NXN: variants seen among roughly 807,000 people sequenced by gnomAD.
NXN encodes the protein nucleoredoxin 1.
NXN carries 16 observed loss-of-function variants against 48.6 expected under a neutral mutation model. That is an observed-to-expected ratio of 0.33 (90% CI 0.22 to 0.50). The LOEUF (loss-of-function observed/expected upper bound fraction) is 0.50. Among genes scored for constraint, NXN ranks in the 20% least tolerant of loss-of-function variants. NXN has a pLI of 0.98. For synonymous variants in NXN, 281 were observed against 269.6 expected (o/e 1.04, Z -0.41); for missense variants, 492 against 605.5 (o/e 0.81, Z 1.97).
chr17:858,050 A>G (rs866765750), intron 1 of NXN, among the ~76,000 whole-genome samples: 1 of 149,220 alleles, frequency 6.7e-6, no homozygotes, highest in South Asian at 2.1e-4. Context: ...GGCTCACTGC[A>G]GCCTCGACCT....
intron 1 of NXN, among the ~76,000 whole-genome samples, chr17:859,163 G>A (rs968944433): frequency 2.0e-5 from 3 of 152,220 alleles, no homozygotes; most frequent in East Asian, 1.9e-4. Flanking sequence ...GCAGTTTCCC[G>A]TCCAGCTCTA....
In NXN at chr17:979,478, C is replaced by A; in HGVS notation, c.201G>T (p.Gly67=). The change falls in exon 1 of 8, where the codon GGG becomes GGT. Residue 67 remains glycine, a synonymous_variant. Transcript: ENST00000336868. Reference sequence around the variant, plus strand: ...CCCCGGCCCCCGCTCCCGGCCCCGGCCCGGCCGCCGCGTCCCCCCGCAGGC... The same window carrying A: ...CCCCGGCCCCCGCTCCCGGCCCCGGACCGGCCGCCGCGTCCCCCCGCAGGC... ...YGRLRGDAAA[G]PGPGAGAGAA... 2 of 1,193,674 alleles carry A rather than the reference C, an allele frequency of 1.7e-6. No homozygotes were observed. Among genetic ancestry groups the A allele is most frequent in the Non-Finnish European group, 2.1e-6 (2 of 962,436 alleles). 73.9% of individuals were successfully genotyped at this position (1,193,674 alleles called of 1,614,324 possible).
chr17:922,083 G>A (rs889589279), intron 1 of NXN, among the ~76,000 whole-genome samples: 1 of 152,296 alleles, frequency 6.6e-6, no homozygotes, highest in East Asian at 1.9e-4. Flanking sequence ...CCTTTTCAGC[G>A]GGTAACTGTG....
At chr17:866,513 A>C (rs1282764692) in intron 1 of NXN, among the ~76,000 whole-genome samples, 1 of 152,166 alleles carries the variant, frequency 6.6e-6, no homozygotes, top group East Asian at 1.9e-4. Context: ...CGGAGCATGC[A>C]GTGAGCTGAG....
Position 919,067 on chromosome 17 carries a change from T to TAA in NXN, c.360+60250_360+60251dup, listed in dbSNP as rs552669068. On this transcript the variant is annotated intron_variant, in intron 1 of 7. Coordinates refer to ENST00000336868, the MANE Select transcript of NXN (RefSeq NM_022463.5). The surrounding 1 kb of genome is among the most constrained non-coding windows in gnomAD (Gnocchi z 5.1). ...GCAACAGAGTAAGACCCTATTGCTT[T>TAA]AAAAAAAAAAAATGTTTCAGCCAGG... 2.7e-3 allele frequency among the ~76,000 whole-genome samples: 397 copies of TAA among 145,160 alleles called. 3 individuals carry two copies. The highest frequency in any genetic ancestry group is 9.5e-3 in the African/African-American group (378 of 39,758).
At chr17:899,370 G>A (rs2068516454) in intron 1 of NXN, among the ~76,000 whole-genome samples, 2 of 152,134 alleles carry the variant, frequency 1.3e-5, no homozygotes, top group African/African-American at 4.8e-5. Flanking sequence ...TTGACGTGCT[G>A]GGTACAAAAA....
chr17:957,918 A>C (rs750001816), intron 1 of NXN, among the ~76,000 whole-genome samples: 1 of 152,098 alleles, frequency 6.6e-6, no homozygotes, highest in Non-Finnish European at 1.5e-5. Flanking sequence ...CATCGCCCAG[A>C]ATGTATGTTC....
chr17:954,175 C>T (rs957816693), intron 1 of NXN, among the ~76,000 whole-genome samples: 2 of 151,986 alleles, frequency 1.3e-5, no homozygotes, highest in Middle Eastern at 3.2e-3. Context: ...GTCAGGAGTT[C>T]GAGACCAGCC....
intron 1 of NXN, among the ~76,000 whole-genome samples, chr17:889,739 GAAAGAAAGAAAGAAAGAAAGAA>G (rs1291561874): frequency 0.024 from 2,074 of 87,894 alleles, 82 homozygotes; most frequent in African/African-American, 0.048. Context: ...AAGAAAGAAA[GAAAGAAAGAAAGAAAGAAAGAA>G]AAAGAAAGAA....
At chr17:895,665 A>T (rs1480362434) in intron 1 of NXN, among the ~76,000 whole-genome samples, 3 of 150,964 alleles carry the variant, frequency 2.0e-5, no homozygotes, top group Non-Finnish European at 4.4e-5. Flanking sequence ...ACAAAAAAAA[A>T]AAATTAGCCA....
chr17:848,099 C>T (rs1567831706), intron 1 of NXN, among the ~76,000 whole-genome samples: 1 of 151,946 alleles, frequency 6.6e-6, no homozygotes, highest in Non-Finnish European at 1.5e-5. Context: ...AGGACGTCAA[C>T]CCCTGACGAT....
At chr17:869,203 T>C (rs1467062164) in intron 1 of NXN, among the ~76,000 whole-genome samples, 4 of 152,072 alleles carry the variant, frequency 2.6e-5, no homozygotes, top group Non-Finnish European at 5.9e-5. Flanking sequence ...CACAGATCTG[T>C]TTCTCTGTAA....
intron 1 of NXN, among the ~76,000 whole-genome samples, chr17:957,555 A>C (rs566098929): frequency 7.5e-4 from 114 of 151,532 alleles, no homozygotes; most frequent in Non-Finnish European, 1.2e-3. Context: ...CTGCTTGAAC[A>C]CGGGAGGTGT....
chr17:801,594 C>T (rs1425538777), intron 7 of NXN, among the ~76,000 whole-genome samples: 2 of 151,932 alleles, frequency 1.3e-5, no homozygotes, highest in East Asian at 1.9e-4. Context: ...TACAGGCGCC[C>T]ACCACGCCCG....
chr17:865,944 T>A (rs1018409101), intron 1 of NXN, among the ~76,000 whole-genome samples: 1 of 151,774 alleles, frequency 6.6e-6, no homozygotes, highest in Non-Finnish European at 1.5e-5. Flanking sequence ...GATCGCGGCA[T>A]TGCACTCCAG....
rs1307347875 is a variant in NXN, at chr17:800,981, G to A, written c.1276C>T (p.Leu426=). ...AIVEAFVNDF[L]AEKLKPEPI is the part of the protein sequence containing the mutation. ...GGCTCCGGTTTGAGCTTCTCTGCTA[G>A]GAAGTCATTCACAAAGGCCTCCACG... Residue 426 remains leucine (L), a synonymous_variant, in exon 8 of 8, where the codon CTA becomes TTA. Transcript: ENST00000336868. 1 of 1,538,196 alleles carries A rather than the reference G, an allele frequency of 6.5e-7. No homozygotes were observed.
chr17:844,765 A>T (rs1406826831), intron 1 of NXN, among the ~76,000 whole-genome samples: 3 of 151,972 alleles, frequency 2.0e-5, no homozygotes, highest in African/African-American at 7.3e-5. Context: ...TGGTATTTTT[A>T]GTAGAGACAG....
At chr17:918,973 G>A (rs926476924) in intron 1 of NXN, among the ~76,000 whole-genome samples, 2 of 152,094 alleles carry the variant, frequency 1.3e-5, no homozygotes, top group African/African-American at 2.4e-5. Context: ...GCTGAGGCGG[G>A]AGGATCACTT....
intron 1 of NXN, among the ~76,000 whole-genome samples, chr17:914,183 C>T (rs530275305): frequency 1.5e-3 from 72 of 49,310 alleles, no homozygotes; most frequent in African/African-American, 3.1e-3. Flanking sequence ...TACAGGCGCC[C>T]GCCACCACGC....
Sources: gnomAD v4.1 joint callset for allele counts (sites outside exome capture counted in the v4.1 genomes callset) on GRCh38, gnomAD v4.1.1 for gene constraint, Gnocchi (gnomAD v3.1) non-coding constraint, MANE v1.5 for transcripts, NCBI Gene and HGNC (gene_info 2026-07-23, HGNC 2026-07-21) for gene names.